The following AGBL4 variants were observed in gnomAD, a reference collection of about 807,000 sequenced individuals.
AGBL4 encodes cytosolic carboxypeptidase 6.
AGBL4 carries 58 observed loss-of-function variants against 66.4 expected under a neutral mutation model. The ratio of observed to expected loss-of-function variants is 0.87; its 90% CI spans 0.71 to 1.09. The LOEUF is 1.09. Ranked by LOEUF, AGBL4 falls within the 50% of genes least tolerant of loss-of-function variation. AGBL4 has a pLI of 0.00. For missense variants in AGBL4, 579 were observed against 631.0 expected, an observed-to-expected ratio of 0.92 and a Z score of 0.88; for synonymous variants, 234 against 222.9, an observed-to-expected ratio of 1.05 and a Z score of -0.44.
intron 2 of AGBL4, among the ~76,000 whole-genome samples, chr1:49,701,272 A>G (rs1391332912): frequency 6.6e-5 from 10 of 151,948 alleles, no homozygotes; most frequent in Admixed American, 5.3e-4. Context: ...AGCCTGGGTA[A>G]CAGAGTGAGA....
At chr1:49,570,593 TAA>T (rs1188975552) in intron 3 of AGBL4, among the ~76,000 whole-genome samples, 1 of 152,110 alleles carries the variant, frequency 6.6e-6, no homozygotes, top group Non-Finnish European at 1.5e-5. Context: ...TTAGTTAAAT[TAA>T]GTCTCATTTA....
At chr1:49,375,844 CCTT>C (rs1167412690) in intron 3 of AGBL4, among the ~76,000 whole-genome samples, 1 of 152,034 alleles carries the variant, frequency 6.6e-6, no homozygotes, top group African/African-American at 2.4e-5. Context: ...TCACGCAAGG[CCTT>C]CTCTGCCTTT....
chr1:49,066,827 G>A (rs971859416), intron 4 of AGBL4, among the ~76,000 whole-genome samples: 1 of 152,130 alleles, frequency 6.6e-6, no homozygotes, highest in Admixed American at 6.5e-5. Flanking sequence ...CTGGAGAAGA[G>A]ACCTGGAGCC....
chr1:48,695,558 C>T (rs1449854268), intron 6 of AGBL4, among the ~76,000 whole-genome samples: 4 of 152,114 alleles, frequency 2.6e-5, no homozygotes, highest in South Asian at 2.1e-4. Flanking sequence ...CTTTCCCCAC[C>T]CCCTCCCCTT....
intron 5 of AGBL4, among the ~76,000 whole-genome samples, chr1:48,907,632 T>A (rs1325745078): frequency 6.6e-6 from 1 of 152,172 alleles, no homozygotes; most frequent in African/African-American, 2.4e-5. Flanking sequence ...ATGATTCACA[T>A]CTGCAATCTT....
At chr1:49,506,721 GT>G (rs934494852) in intron 3 of AGBL4, among the ~76,000 whole-genome samples, 3 of 152,064 alleles carry the variant, frequency 2.0e-5, no homozygotes, top group African/African-American at 7.2e-5. Flanking sequence ...CACATTTCTA[GT>G]AATTAAAAGA....
intron 4 of AGBL4, among the ~76,000 whole-genome samples, chr1:49,055,856 A>T (rs1644299246): frequency 6.6e-6 from 1 of 152,180 alleles, no homozygotes; most frequent in Non-Finnish European, 1.5e-5. Context: ...TAATAAAATC[A>T]ATTTTGTTTC....
intron 6 of AGBL4, among the ~76,000 whole-genome samples, chr1:48,802,760 C>T (rs1645838337): frequency 6.6e-6 from 1 of 152,190 alleles, no homozygotes; most frequent in African/African-American, 2.4e-5. Context: ...CCTCTGGCAC[C>T]ACCCTCCATT....
intron 6 of AGBL4, among the ~76,000 whole-genome samples, chr1:48,692,429 G>A (rs771691809): frequency 5.9e-5 from 9 of 152,176 alleles, no homozygotes; most frequent in African/African-American, 1.4e-4. Context: ...AAGGCTGTGC[G>A]CGCCTGTCTG....
At chr1:49,742,343 A>G (rs1161645053) in intron 2 of AGBL4, among the ~76,000 whole-genome samples, 1 of 152,090 alleles carries the variant, frequency 6.6e-6, no homozygotes, top group Non-Finnish European at 1.5e-5. Flanking sequence ...CCAACTTACA[A>G]GGGATGTGAA....
chr1:49,124,488 G>T (rs532765780), intron 4 of AGBL4, among the ~76,000 whole-genome samples: 1 of 152,194 alleles, frequency 6.6e-6, no homozygotes, highest in African/African-American at 2.4e-5. Flanking sequence ...AACCCTGACC[G>T]TAGCACTGCT....
chr1:49,091,501 C>T (rs1210598761), intron 4 of AGBL4, among the ~76,000 whole-genome samples: 1 of 152,066 alleles, frequency 6.6e-6, no homozygotes, highest in South Asian at 2.1e-4. Context: ...TATCATCTCA[C>T]ACCAGTTATT....
intron 5 of AGBL4, among the ~76,000 whole-genome samples, chr1:48,872,843 A>G (rs1648820461): frequency 6.6e-6 from 1 of 152,148 alleles, no homozygotes. Flanking sequence ...GCCAACCCCC[A>G]GGGGCCTAAC....
At chr1:48,992,123 T>C (rs910684695) in intron 5 of AGBL4, among the ~76,000 whole-genome samples, 2 of 152,168 alleles carry the variant, frequency 1.3e-5, no homozygotes, top group African/African-American at 4.8e-5. Context: ...TTTGTATCTG[T>C]CCTTTTTGGG....
At chr1:49,291,687 T>G (rs1026985837) in intron 3 of AGBL4, among the ~76,000 whole-genome samples, 5 of 152,166 alleles carry the variant, frequency 3.3e-5, no homozygotes, top group African/African-American at 1.2e-4. Context: ...ACCAGCAATA[T>G]TCTATATTTT....
At chr1:48,710,972 A>T (rs1211675363) in intron 6 of AGBL4, among the ~76,000 whole-genome samples, 1 of 152,104 alleles carries the variant, frequency 6.6e-6, no homozygotes, top group South Asian at 2.1e-4. Flanking sequence ...CAAACCTCTC[A>T]CATGGATTTC....
intron 3 of AGBL4, among the ~76,000 whole-genome samples, chr1:49,589,426 G>T (rs1236385963): frequency 6.6e-6 from 1 of 151,798 alleles, no homozygotes; most frequent in African/African-American, 2.4e-5. Context: ...TGTCTCAATA[G>T]ACTTACCTAT....
intron 9 of AGBL4, among the ~76,000 whole-genome samples, chr1:48,619,264 A>G (rs1645369842): frequency 6.6e-6 from 1 of 152,222 alleles, no homozygotes; most frequent in South Asian, 2.1e-4. Flanking sequence ...AGGTGACGGA[A>G]ACAAGAGTTT....
At chr1:49,093,374 T>C (rs1365607840) in intron 4 of AGBL4, among the ~76,000 whole-genome samples, 2 of 152,158 alleles carry the variant, frequency 1.3e-5, no homozygotes, top group African/African-American at 4.8e-5. Flanking sequence ...CTCACACCAG[T>C]CATATAATGG....
Sources: allele counts gnomAD v4.1 joint callset (sites outside exome capture counted in the v4.1 genomes callset), GRCh38; gene constraint gnomAD v4.1.1; transcripts MANE v1.5; gene names NCBI Gene and HGNC (gene_info 2026-07-23, HGNC 2026-07-21).